MPRIP: variants seen among roughly 807,000 people sequenced by gnomAD.
The protein encoded by MPRIP is myosin phosphatase Rho interacting protein.
Under a neutral mutation model 234.9 loss-of-function variants are expected in MPRIP, and 59 were observed. The ratio of observed to expected loss-of-function variants is 0.25; its 90% CI spans 0.20 to 0.31. The LOEUF is 0.31. Ranked by LOEUF, MPRIP falls within the 10% of genes least tolerant of loss-of-function variation. The probability of loss-of-function intolerance (pLI) is 1.00; values close to 1 mark genes in which losing one functional copy is unlikely to be tolerated. For missense variants in MPRIP, 2,436 were observed against 3,071.0 expected, an observed-to-expected ratio of 0.79 and a Z score of 4.89; for synonymous variants, 1,144 against 1,263.9, an observed-to-expected ratio of 0.91 and a Z score of 2.01.
intron 1 of MPRIP, among the ~76,000 whole-genome samples, chr17:17,072,381 C>A (rs958768618): frequency 2.0e-5 from 3 of 152,220 alleles, no homozygotes; most frequent in Non-Finnish European, 4.4e-5. Context: ...GCACACCTGC[C>A]TCAGGATCAA....
In MPRIP at chr17:17,167,432, G is replaced by C; in HGVS notation, c.5841G>C (p.Arg1947Ser). The C allele has an allele frequency of 7.7e-7, 1 of 1,304,224 alleles. No homozygotes were observed. Among genetic ancestry groups the C allele is most frequent in the African/African-American group, 1.5e-5 (1 of 66,002 alleles). 80.8% of individuals were successfully genotyped at this position (1,304,224 alleles called of 1,614,324 possible). ...TGAGCATGTTCACCCTGCGGGGCAG[G>C]TATGAGGAGGAGATTCGGTGTGTGG... Reference protein sequence around the residue: ...HSMSMFTLRGRYEEEIRCVVE... With the variant: ...HSMSMFTLRGSYEEEIRCVVE... Residue 1947 changes from arginine (R) to serine (S), a missense_variant, in exon 16 of 24, where the codon AGG (arginine) becomes AGC (serine). Coordinates refer to ENST00000651222, the MANE Select transcript of MPRIP (RefSeq NM_001364716.4). The surrounding 1 kb of genome is among the most constrained non-coding windows in gnomAD (Gnocchi z 5.9).
chr17:17,155,691 A>G (rs2045713722), intron 13 of MPRIP, among the ~76,000 whole-genome samples: 1 of 152,238 alleles, frequency 6.6e-6, no homozygotes, highest in Non-Finnish European at 1.5e-5. Context: ...TATTAAACAA[A>G]CACTGTCTAG....
intron 1 of MPRIP, among the ~76,000 whole-genome samples, chr17:17,067,536 C>T (rs1316215438): frequency 6.6e-6 from 1 of 152,166 alleles, no homozygotes; most frequent in Non-Finnish European, 1.5e-5. Context: ...CAGTTTAAAA[C>T]CTGTAAATTA....
chr17:17,053,816 C>T lies in MPRIP; in HGVS notation c.123+10845C>T, dbSNP rs1210329364. Among the ~76,000 whole-genome samples, 3 of 152,258 alleles carry T rather than the reference C, an allele frequency of 2.0e-5. No homozygotes were observed. The East Asian group carries it at 5.8e-4, about 29-fold the overall frequency. On this transcript the variant is annotated intron_variant, in intron 1 of 23. Coordinates refer to ENST00000651222, the MANE Select transcript of MPRIP (RefSeq NM_001364716.4). The stretch of plus-strand genomic sequence containing the variant: ...TCTCCTCTCCCACTGAGCTGCTCTG[C>T]ACCACCCTAGCAGCTTTCTTATGTC...
At chr17:17,135,719 C>T (rs1016647363) in intron 5 of MPRIP, among the ~76,000 whole-genome samples, 6 of 152,194 alleles carry the variant, frequency 3.9e-5, no homozygotes, top group African/African-American at 9.7e-5. Context: ...CTAAAGGCCC[C>T]ACCTCCTGAT....
chr17:17,177,481 C>T, intron 22 of MPRIP, 69 bp downstream of exon 22: 1 of 1,531,212 alleles, frequency 6.5e-7, no homozygotes, highest in Non-Finnish European at 8.9e-7. Context: ...GTAGAGGTTT[C>T]CCGGTGCTTG....
At chr17:17,162,001 G>C (rs1437965907) in intron 15 of MPRIP, among the ~76,000 whole-genome samples, 2 of 152,258 alleles carry the variant, frequency 1.3e-5, no homozygotes, top group Non-Finnish European at 2.9e-5. Flanking sequence ...CCTGCAGCGT[G>C]CCAGGCCTTG....
chr17:17,124,501 G>C (rs1282138246), intron 3 of MPRIP, among the ~76,000 whole-genome samples: 1 of 152,168 alleles, frequency 6.6e-6, no homozygotes, highest in African/African-American at 2.4e-5. Flanking sequence ...TTGAGACCAC[G>C]GTCCCAAGGA....
chr17:17,102,139 C>T (rs752217986), intron 3 of MPRIP, among the ~76,000 whole-genome samples: 4 of 152,094 alleles, frequency 2.6e-5, no homozygotes, highest in African/African-American at 7.2e-5. Flanking sequence ...CCTCCTGCCT[C>T]GGCCTCCCAA....
intron 5 of MPRIP, among the ~76,000 whole-genome samples, chr17:17,135,498 T>C (rs2090677936): frequency 6.6e-6 from 1 of 152,226 alleles, no homozygotes; most frequent in Non-Finnish European, 1.5e-5. Flanking sequence ...TATAATAAAA[T>C]ACCACAGGCT....
chr17:17,081,344 T>G (rs1597771833), intron 3 of MPRIP, among the ~76,000 whole-genome samples: 1 of 152,226 alleles, frequency 6.6e-6, no homozygotes, highest in Non-Finnish European at 1.5e-5. Flanking sequence ...TAAATATGTG[T>G]GGAGTTGAAC....
At chr17:17,075,397 A>T (rs1339852766) in intron 1 of MPRIP, among the ~76,000 whole-genome samples, 1 of 151,092 alleles carries the variant, frequency 6.6e-6, no homozygotes, top group Non-Finnish European at 1.5e-5. Context: ...TTGTTGAATA[A>T]CATGTCATTT....
intron 3 of MPRIP, chr17:17,096,955 G>C: frequency 2.6e-6 from 1 of 379,146 alleles, no homozygotes; most frequent in Non-Finnish European, 5.4e-6. Context: ...ATCGCAGGGA[G>C]CATAAGCACT....
At chr17:17,073,044 A>G (rs1448338622) in intron 1 of MPRIP, among the ~76,000 whole-genome samples, 2 of 152,114 alleles carry the variant, frequency 1.3e-5, no homozygotes, top group East Asian at 3.8e-4. Context: ...CTTTTAGAAC[A>G]TTACATCATC....
intron 1 of MPRIP, among the ~76,000 whole-genome samples, chr17:17,061,899 G>A (rs1360603369): frequency 2.6e-5 from 4 of 152,076 alleles, no homozygotes; most frequent in Non-Finnish European, 4.4e-5. Context: ...ACAAGTGTTG[G>A]GTGTATGTTC....
intron 3 of MPRIP, among the ~76,000 whole-genome samples, chr17:17,115,229 G>A (rs539691150): frequency 1.1e-4 from 17 of 152,364 alleles, no homozygotes; most frequent in South Asian, 4.1e-4. Flanking sequence ...GTAGCTCTGC[G>A]TCTGTGGTGA....
chr17:17,145,225 T>C (rs945342649), intron 9 of MPRIP, among the ~76,000 whole-genome samples: 1 of 152,250 alleles, frequency 6.6e-6, no homozygotes, highest in African/African-American at 2.4e-5. Context: ...TTTGTTCTGG[T>C]AGTTATCCTG....
chr17:17,079,738 C>CT (rs1390306174), intron 3 of MPRIP, among the ~76,000 whole-genome samples: 3 of 152,230 alleles, frequency 2.0e-5, no homozygotes, highest in African/African-American at 7.2e-5. Context: ...GGAAATCTTT[C>CT]TTTAGGTCTA....
intron 7 of MPRIP, 128 bp from the exon 8 acceptor site, chr17:17,142,499 C>A (rs1288583005): frequency 1.8e-6 from 2 of 1,116,686 alleles, no homozygotes; most frequent in African/African-American, 1.6e-5. Context: ...CGTGTCTAGA[C>A]AACCTCGGTG....
Sources: gnomAD v4.1 joint callset for allele counts (sites outside exome capture counted in the v4.1 genomes callset) on GRCh38, gnomAD v4.1.1 for gene constraint, Gnocchi (gnomAD v3.1) non-coding constraint, MANE v1.5 for transcripts, NCBI Gene and HGNC (gene_info 2026-07-23, HGNC 2026-07-21) for gene names.